Variants in VWA8 observed in about 807,000 individuals in gnomAD.
The protein encoded by VWA8 is von Willebrand factor A domain containing 8, also known as von Willebrand factor A domain-containing protein 8.
In VWA8, 221 loss-of-function variants were observed where a neutral mutation model predicts 241.5. The observed-to-expected ratio is 0.91, with a 90% CI of 0.82 to 1.02. The LOEUF is 1.02. VWA8 is among the 50% of genes least tolerant of loss of function. VWA8 has a pLI of 0.00. For missense variants in VWA8, 2,322 were observed against 2,328.7 expected (o/e 1.00, Z 0.06); for synonymous variants, 852 against 827.1 (o/e 1.03, Z -0.52).
Position 41,778,072 on chromosome 13 carries a change from C to G in VWA8, c.2278-16G>C. 2 of 1,601,330 alleles carry G rather than the reference C, an allele frequency of 1.2e-6. No homozygotes were observed. Among genetic ancestry groups the G allele is most frequent in the South Asian group, 1.1e-5 (1 of 88,562 alleles). ...CTATCACATGCTAGAGAAAAAGGAA[C>G]TAGGGGTTAACTGTTTTGTACAATC... On this transcript the variant is annotated splice_polypyrimidine_tract_variant and intron_variant, in intron 19 of 44. Coordinates refer to ENST00000379310, the MANE Select transcript of VWA8 (RefSeq NM_015058.2).
intron 40 of VWA8, among the ~76,000 whole-genome samples, chr13:41,599,912 C>A (rs2044510675): frequency 6.6e-6 from 1 of 152,090 alleles, no homozygotes; most frequent in Admixed American, 6.6e-5. Flanking sequence ...CCTAGACCTC[C>A]CCCACAACCA....
intron 4 of VWA8, among the ~76,000 whole-genome samples, chr13:41,898,968 C>A (rs538419334): frequency 6.6e-6 from 1 of 152,238 alleles, no homozygotes; most frequent in African/African-American, 2.4e-5. Context: ...TCTTCCTCCA[C>A]ACCTCCCTGC....
At chr13:41,875,476 T>A (rs1279563374) in intron 9 of VWA8, among the ~76,000 whole-genome samples, 2 of 152,078 alleles carry the variant, frequency 1.3e-5, no homozygotes, top group African/African-American at 4.8e-5. Context: ...TTGTTCACCA[T>A]CAAACTTCAT....
chr13:41,667,363 T>C (rs185822596), intron 37 of VWA8, among the ~76,000 whole-genome samples: 1 of 152,348 alleles, frequency 6.6e-6, no homozygotes, highest in Admixed American at 6.5e-5. Flanking sequence ...TTTCTTTCTA[T>C]GCCTCACTCC....
At chr13:41,831,601 G>A (rs1023574224) in intron 13 of VWA8, among the ~76,000 whole-genome samples, 3 of 145,300 alleles carry the variant, frequency 2.1e-5, no homozygotes, top group Admixed American at 1.4e-4. Flanking sequence ...TGATGGTGAA[G>A]CCCAGGCATG....
chr13:41,927,241 T>C, intron 2 of VWA8: 2 of 483,226 alleles, frequency 4.1e-6, no homozygotes, highest in Admixed American at 4.3e-5. Context: ...CTCAAAAGAT[T>C]CCAACAACAT....
At chr13:41,591,037 T>C (rs544564820) in intron 40 of VWA8, among the ~76,000 whole-genome samples, 2 of 152,300 alleles carry the variant, frequency 1.3e-5, no homozygotes, top group South Asian at 2.1e-4. Flanking sequence ...TCTGGAAATA[T>C]AATAATGGGG....
chr13:41,727,171 GTTA>G lies in VWA8; in HGVS notation c.2758+20_2758+22del, dbSNP rs2045442371. 1 of 1,514,056 alleles carries G rather than the reference GTTA, an allele frequency of 6.6e-7. No homozygotes were observed. Among genetic ancestry groups the G allele is most frequent in the Non-Finnish European group, 8.9e-7 (1 of 1,121,528 alleles). 93.8% of individuals were successfully genotyped at this position (1,514,056 alleles called of 1,614,324 possible). A position where few individuals can be genotyped will look rare whatever the true frequency, so the allele number is the denominator to read the frequency against. On this transcript the variant is annotated intron_variant, in intron 24 of 44. Transcript: ENST00000379310. ...TATTATTATTACTGCTATTGGTATT[GTTA>G]TTATCATTACTGTTTTTACCTAAGG... is the stretch of plus-strand genomic sequence containing the variant.
intron 2 of VWA8, among the ~76,000 whole-genome samples, chr13:41,922,564 C>T (rs1188326773): frequency 6.6e-6 from 1 of 152,086 alleles, no homozygotes; most frequent in Non-Finnish European, 1.5e-5. Flanking sequence ...CCAGAATTTA[C>T]AAAGAACTTA....
At chr13:41,827,760 A>G (rs937561814) in intron 14 of VWA8, among the ~76,000 whole-genome samples, 3 of 152,208 alleles carry the variant, frequency 2.0e-5, no homozygotes, top group African/African-American at 7.2e-5. Context: ...CTTTGAGAAG[A>G]AAGTACTATT....
At chr13:41,594,372 C>T (rs974457067) in intron 40 of VWA8, among the ~76,000 whole-genome samples, 1 of 151,894 alleles carries the variant, frequency 6.6e-6, no homozygotes, top group Non-Finnish European at 1.5e-5. Flanking sequence ...TCAGGTGATC[C>T]TCCCACCTCA....
rs185483871 is a variant in VWA8 at position 41,629,501 on chromosome 13, T to C, written c.4612-14417A>G. Among the ~76,000 whole-genome samples, 389 of 152,322 alleles carry C rather than the reference T, an allele frequency of 2.6e-3. 1 individual carries two copies. The highest frequency in any genetic ancestry group is 4.5e-3 in the Non-Finnish European group (308 of 68,020). ...TTTCCTGATTTTCTAGTTCTAAACA[T>C]GCCAAGAAAACAACTGCCCTAACCT... is the stretch of plus-strand genomic sequence containing the variant. On this transcript the variant is annotated intron_variant, in intron 37 of 44. Transcript: ENST00000379310.
At chr13:41,580,527 C>A (rs541893131) in intron 42 of VWA8, among the ~76,000 whole-genome samples, 1 of 152,120 alleles carries the variant, frequency 6.6e-6, no homozygotes, top group East Asian at 1.9e-4. Flanking sequence ...GTTAACTCAG[C>A]CTTTCTGATC....
intron 17 of VWA8, among the ~76,000 whole-genome samples, chr13:41,808,356 G>A (rs577771600): frequency 1.6e-4 from 25 of 152,206 alleles, no homozygotes; most frequent in African/African-American, 5.3e-4. Context: ...GACACATGAC[G>A]CTGGCATTTT....
Position 41,868,462 on chromosome 13 carries a change from C to A in VWA8, c.1096G>T (p.Asp366Tyr), listed in dbSNP as rs773647628. ...TTAGGAAGTAGAGAGCTTCCTGAAT[C>A]TTGAAGTTCAAAGCGCTGTAAAATT... The part of the protein sequence containing the change: ...EGVLKRFELQ[D>Y]SGSSLLPKEI... The change falls in exon 10 of 45, where the codon GAT (aspartate) becomes TAT (tyrosine). Residue 366 changes from aspartate to tyrosine, a missense_variant. Coordinates refer to ENST00000379310, the MANE Select transcript of VWA8 (RefSeq NM_015058.2). The A allele has an allele frequency of 4.3e-6, 7 of 1,613,124 alleles. No individual in the cohort carries two copies. The highest frequency in any genetic ancestry group is 5.9e-6 in the Non-Finnish European group (7 of 1,179,778).
intron 12 of VWA8, among the ~76,000 whole-genome samples, chr13:41,836,700 C>A (rs1362822146): frequency 6.6e-6 from 1 of 152,042 alleles, no homozygotes; most frequent in African/African-American, 2.4e-5. Flanking sequence ...TTTATACTAA[C>A]AGAGATGATG....
intron 24 of VWA8, among the ~76,000 whole-genome samples, chr13:41,722,179 T>A (rs796746211): frequency 6.6e-6 from 1 of 152,168 alleles, no homozygotes; most frequent in Non-Finnish European, 1.5e-5. Flanking sequence ...CTTGTGCAGA[T>A]TGATAGAATA....
chr13:41,682,019 G>A (rs1012310529), intron 35 of VWA8, among the ~76,000 whole-genome samples: 2 of 152,184 alleles, frequency 1.3e-5, no homozygotes, highest in Non-Finnish European at 2.9e-5. Flanking sequence ...TGTGACCTGA[G>A]TTGTGTTTTA....
At chr13:41,631,895 C>T (rs1358577099) in intron 37 of VWA8, among the ~76,000 whole-genome samples, 1 of 152,184 alleles carries the variant, frequency 6.6e-6, no homozygotes, top group Non-Finnish European at 1.5e-5. Context: ...CTCACAGACT[C>T]ACACTCAGTA....
Sources: allele counts gnomAD v4.1 joint callset (sites outside exome capture counted in the v4.1 genomes callset), GRCh38; gene constraint gnomAD v4.1.1; transcripts MANE v1.5; gene names NCBI Gene and HGNC (gene_info 2026-07-23, HGNC 2026-07-21).